The following ROR1 variants were observed in gnomAD, a reference collection of about 807,000 sequenced individuals.
ROR1 encodes inactive tyrosine-protein kinase transmembrane receptor ROR1.
ROR1 carries 19 observed loss-of-function variants against 78.8 expected under a neutral mutation model. The ratio of observed to expected loss-of-function variants is 0.24; its 90% CI spans 0.17 to 0.35. ROR1 has a LOEUF of 0.35. ROR1 is among the 10% of genes least tolerant of loss of function. The pLI is 1.00. For synonymous variants in ROR1, 386 were observed against 433.6 expected (o/e 0.89, Z 1.36); for missense variants, 917 against 1,177.8 (o/e 0.78, Z 3.24).
chr1:64,056,115 T>C (rs1646872212), intron 4 of ROR1, among the ~76,000 whole-genome samples: 1 of 152,200 alleles, frequency 6.6e-6, no homozygotes, highest in Admixed American at 6.5e-5. Flanking sequence ...ACTTTTTGCT[T>C]ATTCTGAATA....
intron 1 of ROR1, among the ~76,000 whole-genome samples, chr1:63,798,600 C>A (rs1451460008): frequency 6.6e-6 from 1 of 152,220 alleles, no homozygotes; most frequent in Non-Finnish European, 1.5e-5. Flanking sequence ...AAGACACTAA[C>A]TGCTCTGCAT....
chr1:64,032,479 C>G (rs1646669543), intron 2 of ROR1, among the ~76,000 whole-genome samples: 1 of 151,986 alleles, frequency 6.6e-6, no homozygotes, highest in African/African-American at 2.4e-5. Context: ...GAAGTTGACA[C>G]TACTTTGGAA....
intron 2 of ROR1, among the ~76,000 whole-genome samples, chr1:64,042,759 G>A (rs947507426): frequency 6.6e-6 from 1 of 152,158 alleles, no homozygotes; most frequent in African/African-American, 2.4e-5. Flanking sequence ...TTTAGATTAT[G>A]CTTTGCATTG....
chr1:64,134,516 AG>A (rs1219151328), intron 4 of ROR1, among the ~76,000 whole-genome samples: 4 of 152,166 alleles, frequency 2.6e-5, no homozygotes, highest in Admixed American at 6.5e-5. Flanking sequence ...ATAGCTCATC[AG>A]GGGCTGCTTT....
At position 64,121,059 on chromosome 1, in the gene ROR1, C is replaced by CTTTTTTT. The variant is rs200292093; in HGVS notation, c.483-16277_483-16271dup. On this transcript the variant is annotated intron_variant, in intron 4 of 8. Transcript: ENST00000371079. ...CCACACTCCAGTCAGGGAGATACCC[C>CTTTTTTT]TTTTTTTTTTTTTTTTTTTTTTTTT... 8.2e-4 allele frequency among the ~76,000 whole-genome samples: 67 copies of CTTTTTTT among 82,020 alleles called. 3 individuals carry two copies. The highest frequency in any genetic ancestry group is 1.2e-3 in the African/African-American group (19 of 15,528). The allele number at this position is 82,020 out of a possible 152,430, so 53.8% of individuals were successfully genotyped here.
At chr1:64,060,220 A>G (rs943678162) in intron 4 of ROR1, among the ~76,000 whole-genome samples, 3 of 152,352 alleles carry the variant, frequency 2.0e-5, no homozygotes, top group Non-Finnish European at 2.9e-5. Context: ...ATGACATAAT[A>G]AGATGATGCA....
chr1:63,909,061 A>G (rs1270631287), intron 1 of ROR1, among the ~76,000 whole-genome samples: 1 of 152,128 alleles, frequency 6.6e-6, no homozygotes, highest in Non-Finnish European at 1.5e-5. Context: ...GACCTAGCAA[A>G]CAGGCACTTT....
At chr1:63,965,228 A>C (rs374829032) in intron 1 of ROR1, among the ~76,000 whole-genome samples, 14 of 152,170 alleles carry the variant, frequency 9.2e-5, no homozygotes, top group African/African-American at 3.1e-4. Context: ...ATCCAGCTCT[A>C]TATGACTCCA....
intron 1 of ROR1, among the ~76,000 whole-genome samples, chr1:63,850,797 C>G (rs1229349867): frequency 6.6e-6 from 1 of 152,078 alleles, no homozygotes; most frequent in Non-Finnish European, 1.5e-5. Context: ...ATGTACATTT[C>G]TAAGGAATTG....
chr1:64,074,844 AT>A (rs1164413284), intron 4 of ROR1, among the ~76,000 whole-genome samples: 1 of 152,148 alleles, frequency 6.6e-6, no homozygotes, highest in African/African-American at 2.4e-5. Context: ...CCAAATCTCA[AT>A]TTTTTTCCAT....
intron 1 of ROR1, among the ~76,000 whole-genome samples, chr1:63,864,580 G>A (rs1376729871): frequency 6.6e-6 from 1 of 152,148 alleles, no homozygotes; most frequent in Non-Finnish European, 1.5e-5. Context: ...TCTGTCACTG[G>A]CAGGATCCTA....
chr1:63,993,870 T>C (rs1246684688), intron 1 of ROR1, among the ~76,000 whole-genome samples: 1 of 152,230 alleles, frequency 6.6e-6, no homozygotes, highest in Non-Finnish European at 1.5e-5. Context: ...TTTGAGGGCA[T>C]CTGTCAGATT....
At chr1:63,988,881 T>C (rs1646272030) in intron 1 of ROR1, among the ~76,000 whole-genome samples, 1 of 152,194 alleles carries the variant, frequency 6.6e-6, no homozygotes, top group South Asian at 2.1e-4. Flanking sequence ...TATCCATTCA[T>C]CTGTCAATAT....
chr1:64,133,878 T>C (rs567380508), intron 4 of ROR1, among the ~76,000 whole-genome samples: 6 of 152,284 alleles, frequency 3.9e-5, no homozygotes, highest in African/African-American at 1.4e-4. Flanking sequence ...AGCATAAAGC[T>C]GATTAATGCT....
intron 7 of ROR1, among the ~76,000 whole-genome samples, chr1:64,155,897 A>G (rs551723946): frequency 6.6e-6 from 1 of 152,354 alleles, no homozygotes; most frequent in Admixed American, 6.5e-5. Context: ...CAACAACTGT[A>G]TGGCAATTTT....
intron 4 of ROR1, among the ~76,000 whole-genome samples, chr1:64,054,683 T>C (rs375213922): frequency 6.6e-6 from 1 of 152,190 alleles, no homozygotes; most frequent in East Asian, 1.9e-4. Flanking sequence ...CTTCATACAT[T>C]ATCCTAGGTT....
intron 4 of ROR1, among the ~76,000 whole-genome samples, chr1:64,114,717 G>A (rs1359221862): frequency 6.6e-6 from 1 of 152,100 alleles, no homozygotes; most frequent in Non-Finnish European, 1.5e-5. Flanking sequence ...CAGTACCACT[G>A]AGAAGTGGTG....
intron 1 of ROR1, among the ~76,000 whole-genome samples, chr1:63,816,445 C>A (rs918348959): frequency 1.3e-5 from 2 of 152,214 alleles, no homozygotes; most frequent in Non-Finnish European, 2.9e-5. Flanking sequence ...CTCTTTCTCT[C>A]TTTGCCTGCT....
In ROR1 at chr1:63,871,453, G is replaced by A. The variant is rs185234093; in HGVS notation, c.91+96945G>A. On this transcript the variant is annotated intron_variant, in intron 1 of 8. Coordinates refer to ENST00000371079, the MANE Select transcript of ROR1 (RefSeq NM_005012.4). ...ACTTGATTGGTTGCTATGAGAGATC[G>A]TTCCCCTGTGGAGCATCAGAAGTTG... Among the ~76,000 whole-genome samples the A allele has an allele frequency of 2.0e-4, 31 of 152,244 alleles. No individual in the cohort carries two copies. In the East Asian group the frequency reaches 4.4e-3, roughly 22 times the overall value.
Sources: allele counts gnomAD v4.1 joint callset (sites outside exome capture counted in the v4.1 genomes callset), GRCh38; gene constraint gnomAD v4.1.1; transcripts MANE v1.5; gene names NCBI Gene and HGNC (gene_info 2026-07-23, HGNC 2026-07-21).